The following CR1 variants were observed in gnomAD, a reference collection of about 807,000 sequenced individuals.
CR1 encodes the protein complement C3b/C4b receptor 1 (Knops blood group).
Under a neutral mutation model 187.3 loss-of-function variants are expected in CR1, and 116 were observed. That is an observed-to-expected ratio of 0.62 (90% confidence interval 0.53 to 0.72). The LOEUF (loss-of-function observed/expected upper bound fraction) is 0.72. CR1 is among the 30% of genes least tolerant of loss of function. The pLI is 0.00. For missense variants in CR1, 1,731 were observed against 2,110.7 expected (o/e 0.82, Z 3.52); for synonymous variants, 576 against 747.1 (o/e 0.77, Z 3.73).
chr1:207,634,885 A>G lies in CR1; in HGVS notation c.7457+4264A>G, dbSNP rs567782723. On this transcript the variant is annotated intron_variant, in intron 46 of 46. Transcript: ENST00000367049. ...GAATCAAAAAAACATTTTTTCTGTTATGGGTGACCTGTACGTTTTCTAGAA... is the reference window on the plus strand; with the variant it reads ...GAATCAAAAAAACATTTTTTCTGTTGTGGGTGACCTGTACGTTTTCTAGAA... Among the ~76,000 whole-genome samples the G allele has an allele frequency of 2.6e-5, 4 of 152,320 alleles. No homozygotes were observed. The South Asian group carries it at 8.3e-4, about 32-fold the overall frequency.
chr1:207,626,953 G>A (rs1662496842), intron 45 of CR1, among the ~76,000 whole-genome samples: 1 of 152,180 alleles, frequency 6.6e-6, no homozygotes, highest in Non-Finnish European at 1.5e-5. Context: ...CAGGAGAATT[G>A]CTTGAACCCA....
At chr1:207,499,635 T>C (rs181255867) in intron 1 of CR1, among the ~76,000 whole-genome samples, 5 of 152,204 alleles carry the variant, frequency 3.3e-5, no homozygotes, top group African/African-American at 1.2e-4. Flanking sequence ...AGCCATAAAA[T>C]AGTACACGAA....
chr1:207,575,456 G>A (rs1308916987), intron 27 of CR1, 139 bp from the exon 28 acceptor site: 15 of 1,041,812 alleles, frequency 1.4e-5, no homozygotes, highest in Non-Finnish European at 2.2e-5. Context: ...AAATAGAAGA[G>A]CTGGAAACAA....
chr1:207,634,633 G>A (rs1662756068), intron 46 of CR1, among the ~76,000 whole-genome samples: 1 of 78,020 alleles, frequency 1.3e-5, no homozygotes, highest in Non-Finnish European at 2.3e-5. Flanking sequence ...ATGAGCTGGA[G>A]GCCTCATCAG....
intron 42 of CR1, among the ~76,000 whole-genome samples, chr1:207,618,470 C>A (rs1414630910): frequency 6.6e-6 from 1 of 152,186 alleles, no homozygotes; most frequent in Non-Finnish European, 1.5e-5. Context: ...ACAAAATCAC[C>A]TTGTTAAAAA....
Position 207,618,322 on chromosome 1 carries a change from T to A in CR1, c.7066+75T>A. On this transcript the variant is annotated intron_variant, in intron 42 of 46. Coordinates refer to ENST00000367049, the MANE Select transcript of CR1 (RefSeq NM_000651.6). ...ATGAGGCTTGTAAGGCTGAGAGACA[T>A]TGAAATGAGCTTAATGAAAGGGATA... The A allele has an allele frequency of 3.7e-6, 5 of 1,346,532 alleles. No individual in the cohort carries two copies. In the South Asian group the frequency reaches 7.1e-5, roughly 19 times the overall value. 83.4% of individuals were successfully genotyped at this position (1,346,532 alleles called of 1,614,324 possible). A position where few individuals can be genotyped will look rare whatever the true frequency, so the allele number is the denominator to read the frequency against.
Position 207,564,626 on chromosome 1 carries a change from C to T in CR1, c.3866+392C>T, listed in dbSNP as rs9429791. On this transcript the variant is annotated intron_variant, in intron 23 of 46. Coordinates refer to ENST00000367049, the MANE Select transcript of CR1 (RefSeq NM_000651.6). ...GACCAGCCTGGACAACATGGTGAAA[C>T]CCTGTCTCTACTAAAAATACAAAAG... Among the ~76,000 whole-genome samples, 5 of 149,726 alleles carry T rather than the reference C, an allele frequency of 3.3e-5. 2 individuals are homozygous for T. The highest frequency in any genetic ancestry group is 1.0e-4 in the African/African-American group (4 of 39,248).
chr1:207,573,314 C>T (rs1196389501), intron 27 of CR1, among the ~76,000 whole-genome samples: 1 of 152,152 alleles, frequency 6.6e-6, no homozygotes, highest in Admixed American at 6.5e-5. Context: ...GCACACTTGC[C>T]AGCATAGGCC....
At chr1:207,500,312 A>G (rs1659228770) in intron 1 of CR1, among the ~76,000 whole-genome samples, 1 of 152,236 alleles carries the variant, frequency 6.6e-6, no homozygotes, top group Admixed American at 6.5e-5. Context: ...ATAAATTTAT[A>G]TATTTGAAAG....
chr1:207,627,849 G>T (rs1662527595), intron 45 of CR1, among the ~76,000 whole-genome samples: 1 of 152,136 alleles, frequency 6.6e-6, no homozygotes, highest in Non-Finnish European at 1.5e-5. Context: ...GTCTGGTGGG[G>T]ATCGCTTTCT....
chr1:207,610,013 A>G (rs1465178777), intron 37 of CR1, among the ~76,000 whole-genome samples: 3 of 152,196 alleles, frequency 2.0e-5, no homozygotes. Flanking sequence ...TCCAGAGCCT[A>G]ATCATAATGT....
intron 41 of CR1, among the ~76,000 whole-genome samples, chr1:207,617,606 TATATATAG>T (rs1474361084): frequency 4.7e-3 from 85 of 18,104 alleles, no homozygotes; most frequent in Non-Finnish European, 7.2e-3. Flanking sequence ...TATATATATA[TATATATAG>T]AGAGAGAGAG....
In CR1 at chr1:207,616,704, A is replaced by G. The variant is rs745913870; in HGVS notation, c.6791A>G (p.Asn2264Ser). The G allele has an allele frequency of 6.2e-6, 10 of 1,613,894 alleles. No individual in the cohort carries two copies. Among genetic ancestry groups the G allele is most frequent in the East Asian group, 2.2e-5 (1 of 44,876 alleles). Reference sequence around the variant, plus strand: ...CACCCAGACAGAGGGATGACCTTCAACCTCATTGGGGAGAGCTCCATCCGC... The same window carrying G: ...CACCCAGACAGAGGGATGACCTTCAGCCTCATTGGGGAGAGCTCCATCCGC... ...DTHPDRGMTF[N>S]LIGESSIRCT... The change falls in exon 41 of 47, where the codon AAC (asparagine) becomes AGC (serine). Residue 2264 changes from asparagine to serine, a missense_variant. By Grantham distance (46) the Asn-to-Ser change is conservative. This residue lies in a region of CR1 where 1,312 missense variants were observed against 1,379.6 expected (regional missense o/e 0.95). Transcript: ENST00000367049.
intron 36 of CR1, 51 bp downstream of exon 36, chr1:207,607,387 C>A: frequency 7.4e-7 from 1 of 1,346,252 alleles, no homozygotes; most frequent in Non-Finnish European, 1.1e-6. Flanking sequence ...TCCTGACTTG[C>A]CCCTGGAGTA....
intron 46 of CR1, among the ~76,000 whole-genome samples, chr1:207,638,012 C>A (rs1039995742): frequency 1.3e-5 from 2 of 152,156 alleles, no homozygotes; most frequent in African/African-American, 4.8e-5. Context: ...AAATGTTGTT[C>A]TGCAGAAGTA....
chr1:207,577,273 A>G (rs543395731), intron 28 of CR1, among the ~76,000 whole-genome samples: 58 of 151,804 alleles, frequency 3.8e-4, no homozygotes, highest in African/African-American at 1.3e-3. Flanking sequence ...AACAAAAAAA[A>G]AACACATGGA....
intron 29 of CR1, 78 bp from the exon 30 acceptor site, chr1:207,580,162 G>C: frequency 6.4e-7 from 1 of 1,557,456 alleles, no homozygotes; most frequent in Non-Finnish European, 8.7e-7. Flanking sequence ...CTCTACCTCT[G>C]ACTAGCTATG....
chr1:207,578,157 C>T lies in CR1; in HGVS notation c.4890C>T (p.Cys1630=). 1 of 1,611,832 alleles carries T rather than the reference C, an allele frequency of 6.2e-7. No individual in the cohort carries two copies. Among genetic ancestry groups the T allele is most frequent in the Non-Finnish European group, 8.5e-7 (1 of 1,179,718 alleles). Residue 1630 remains cysteine, a synonymous_variant, in exon 29 of 47, where the codon TGC becomes TGT. Coordinates refer to ENST00000367049, the MANE Select transcript of CR1 (RefSeq NM_000651.6). The part of the protein sequence containing the change: ...FVMKGPRRVK[C]QALNKWEPEL... The stretch of plus-strand genomic sequence containing the variant: ...TGAAAGGACCCCGCCGTGTGAAGTG[C>T]CAGGCCCTGAACAAATGGGAGCCAG...
chr1:207,617,606 TATATATAGAGAGAGAGAGAGAGAGAGAG>T lies in CR1; in HGVS notation c.6890-463_6890-436del, dbSNP rs1299014224. On this transcript the variant is annotated intron_variant, in intron 41 of 46. Coordinates refer to ENST00000367049, the MANE Select transcript of CR1 (RefSeq NM_000651.6). Reference sequence around the variant, plus strand: ...ATATATATATATATATATATATATATATATATAGAGAGAGAGAGAGAGAGAGAGAGAGAGAGAGAGAGAGAGAGAGAGA... The same window carrying T: ...ATATATATATATATATATATATATATAGAGAGAGAGAGAGAGAGAGAGAGA... Among the ~76,000 whole-genome samples, 139 of 18,054 alleles carry T rather than the reference TATATATAGAGAGAGAGAGAGAGAGAGAG, an allele frequency of 7.7e-3. 1 individual carries two copies. The highest frequency in any genetic ancestry group is 0.014 in the African/African-American group (68 of 4,828). The allele number at this position is 18,054 out of a possible 152,430, so 11.8% of individuals were successfully genotyped here.
Sources: gnomAD v4.1 joint callset for allele counts (sites outside exome capture counted in the v4.1 genomes callset) on GRCh38, gnomAD v4.1.1 for gene constraint, gnomAD v4.1.1 regional missense constraint, MANE v1.5 for transcripts, NCBI Gene and HGNC (gene_info 2026-07-23, HGNC 2026-07-21) for gene names.